Variants in MSI2 observed in about 807,000 individuals in gnomAD.
MSI2 encodes musashi RNA binding protein 2, also known as RNA-binding protein Musashi homolog 2.
In MSI2, 17 loss-of-function variants were observed where a neutral mutation model predicts 45.6. That is an observed-to-expected ratio of 0.37 (90% CI 0.26 to 0.56). The LOEUF (loss-of-function observed/expected upper bound fraction) is 0.56, where lower values mean the gene tolerates loss of function less well. Among genes scored for constraint, MSI2 ranks in the 20% least tolerant of loss-of-function variants. The pLI, the probability that MSI2 is intolerant of heterozygous loss-of-function variation, is 0.77. For synonymous variants in MSI2, 156 were observed against 158.2 expected, an observed-to-expected ratio of 0.99 and a Z score of 0.11; for missense variants, 293 against 444.2, an observed-to-expected ratio of 0.66 and a Z score of 3.06.
At chr17:57,453,651 T>C (rs2085059979) in intron 6 of MSI2, among the ~76,000 whole-genome samples, 1 of 152,246 alleles carries the variant, frequency 6.6e-6, no homozygotes. Flanking sequence ...TTTCTATTAC[T>C]TCATTTAACC....
At chr17:57,593,356 C>T (rs1385463609) in intron 7 of MSI2, among the ~76,000 whole-genome samples, 2 of 152,208 alleles carry the variant, frequency 1.3e-5, no homozygotes. Flanking sequence ...TTCTGGAAGC[C>T]AGCGCTGCAC....
chr17:57,358,383 G>A (rs1217905525), intron 5 of MSI2, among the ~76,000 whole-genome samples: 2 of 152,142 alleles, frequency 1.3e-5, no homozygotes, highest in Non-Finnish European at 2.9e-5. Flanking sequence ...AATGACTCAA[G>A]GCTCTGAGGC....
At chr17:57,514,971 A>T (rs1009115450) in intron 6 of MSI2, among the ~76,000 whole-genome samples, 2 of 151,976 alleles carry the variant, frequency 1.3e-5, no homozygotes, top group Admixed American at 6.6e-5. Flanking sequence ...TACACAGAGC[A>T]CCCCGACACA....
At chr17:57,256,999 G>A in intron 1 of MSI2, 99 bp from the exon 2 acceptor site, 9 of 1,548,816 alleles carry the variant, frequency 5.8e-6, no homozygotes, top group Middle Eastern at 1.9e-4. Flanking sequence ...GCTCTCGCTC[G>A]CTCGCTCCCC....
intron 5 of MSI2, among the ~76,000 whole-genome samples, chr17:57,329,025 C>T (rs550196646): frequency 4.0e-5 from 6 of 150,208 alleles, no homozygotes; most frequent in Non-Finnish European, 6.0e-5. Flanking sequence ...ACCTGGGAGG[C>T]GGAGGTTGCA....
At chr17:57,521,489 A>T (rs1381023742) in intron 6 of MSI2, among the ~76,000 whole-genome samples, 1 of 152,170 alleles carries the variant, frequency 6.6e-6, no homozygotes, top group East Asian at 1.9e-4. Context: ...GCTGCTTCTC[A>T]TATAGAACTT....
Position 57,664,067 on chromosome 17 carries a change from G to C in MSI2, c.791-10905G>C, listed in dbSNP as rs375617355. 4.5e-4 allele frequency among the ~76,000 whole-genome samples: 68 copies of C among 152,226 alleles called. No individual in the cohort carries two copies. In the South Asian group the frequency reaches 0.014, roughly 31 times the overall value. ...GGCAGAGTAGGGAATCAGAAGACTT[G>C]GTTCCAGGCCTGCTTCCACCTCTAC... On this transcript the variant is annotated intron_variant, in intron 11 of 13. Coordinates refer to ENST00000284073, the MANE Select transcript of MSI2 (RefSeq NM_138962.4).
intron 6 of MSI2, among the ~76,000 whole-genome samples, chr17:57,477,147 TGTGTGTG>T (rs1046942844): frequency 2.3e-4 from 2 of 8,554 alleles, no homozygotes; most frequent in Admixed American, 1.2e-3. Flanking sequence ...TAAGGCCTGG[TGTGTGTG>T]TGTGTGTGTG....
downstream of MSI2, among the ~76,000 whole-genome samples, chr17:57,685,298 G>A (rs548861857): frequency 3.3e-5 from 5 of 152,294 alleles, no homozygotes; most frequent in African/African-American, 1.2e-4. Flanking sequence ...CCAATACCTG[G>A]TGATGACGGC....
At chr17:57,663,268 G>T (rs566980822) in intron 11 of MSI2, among the ~76,000 whole-genome samples, 3 of 152,192 alleles carry the variant, frequency 2.0e-5, no homozygotes, top group Non-Finnish European at 2.9e-5. Context: ...CGCGAGCAGG[G>T]CCTCATTTGT....
intron 6 of MSI2, among the ~76,000 whole-genome samples, chr17:57,421,315 A>C (rs1384618693): frequency 6.6e-6 from 1 of 152,070 alleles, no homozygotes; most frequent in Non-Finnish European, 1.5e-5. Context: ...GATTACTTTG[A>C]CGGAGTATCT....
chr17:57,618,835 C>A (rs1907999503), intron 9 of MSI2, among the ~76,000 whole-genome samples: 1 of 152,168 alleles, frequency 6.6e-6, no homozygotes, highest in African/African-American at 2.4e-5. Flanking sequence ...AGCCACTGCG[C>A]CCAGCAACGC....
At chr17:57,573,016 T>C (rs906104079) in intron 7 of MSI2, among the ~76,000 whole-genome samples, 1 of 152,186 alleles carries the variant, frequency 6.6e-6, no homozygotes, top group Non-Finnish European at 1.5e-5. Context: ...ATGGGCACAG[T>C]GACCTGGGAT....
At chr17:57,466,404 A>G (rs1028991611) in intron 6 of MSI2, among the ~76,000 whole-genome samples, 4 of 152,198 alleles carry the variant, frequency 2.6e-5, no homozygotes, top group Non-Finnish European at 5.9e-5. Context: ...CTAAAGCTGT[A>G]TGGGAGGCGG....
At chr17:57,314,819 C>T (rs1912719125) in intron 5 of MSI2, among the ~76,000 whole-genome samples, 1 of 152,104 alleles carries the variant, frequency 6.6e-6, no homozygotes, top group Non-Finnish European at 1.5e-5. Flanking sequence ...ATCTGCCCGC[C>T]TCGGTCTCCC....
intron 6 of MSI2, among the ~76,000 whole-genome samples, chr17:57,487,298 C>T (rs748659267): frequency 6.6e-6 from 1 of 152,202 alleles, no homozygotes; most frequent in South Asian, 2.1e-4. Context: ...AGGTGAGTGG[C>T]CTGTTCAGAT....
chr17:57,633,211 T>C lies in MSI2; in HGVS notation c.727+5908T>C, dbSNP rs919729269. On this transcript the variant is annotated intron_variant, in intron 10 of 13. Transcript: ENST00000284073. ...TACTGTGTGCTGCCGTCTCTTAGCC[T>C]GACAGTGTCCTGTTCTCGCTCCGGG... 7.9e-6 allele frequency: 8 copies of C among 1,007,062 alleles called. No homozygotes were observed. The African/African-American group carries it at 1.4e-4, about 17-fold the overall frequency. 62.4% of individuals were successfully genotyped at this position (1,007,062 alleles called of 1,614,324 possible). A position where few individuals can be genotyped will look rare whatever the true frequency, so the allele number is the denominator to read the frequency against.
intron 8 of MSI2, among the ~76,000 whole-genome samples, chr17:57,613,818 G>A (rs1023219086): frequency 6.6e-6 from 1 of 152,166 alleles, no homozygotes; most frequent in Admixed American, 6.6e-5. Context: ...AAGCATATTA[G>A]TCATGAATGT....
At chr17:57,499,674 G>T (rs1164302713) in intron 6 of MSI2, among the ~76,000 whole-genome samples, 2 of 152,182 alleles carry the variant, frequency 1.3e-5, no homozygotes, top group African/African-American at 4.8e-5. Context: ...GCGGGAATTT[G>T]GGCGGGACTC....
Sources: allele counts gnomAD v4.1 joint callset (sites outside exome capture counted in the v4.1 genomes callset), GRCh38; gene constraint gnomAD v4.1.1; transcripts MANE v1.5; gene names NCBI Gene and HGNC (gene_info 2026-07-23, HGNC 2026-07-21).